Variants in TXLNG observed in about 807,000 individuals in gnomAD.
TXLNG encodes the protein gamma-taxilin.
A neutral mutation model predicts 38.8 loss-of-function variants in TXLNG; 5 were observed. The observed-to-expected ratio is 0.13, with a 90% CI of 0.07 to 0.27. TXLNG has a LOEUF of 0.27. Ranked by LOEUF, TXLNG falls within the 10% of genes least tolerant of loss-of-function variation. TXLNG has a pLI of 1.00. For missense variants in TXLNG, 393 were observed against 398.2 expected, an observed-to-expected ratio of 0.99 and a Z score of 0.11; for synonymous variants, 182 against 158.2, an observed-to-expected ratio of 1.15 and a Z score of -1.13.
At chrX:16,815,295 C>A (rs1003692359) in intron 1 of TXLNG, among the ~76,000 whole-genome samples, 2 of 110,225 alleles carry the variant, frequency 1.8e-5, no homozygotes, top group Non-Finnish European at 1.9e-5. Context: ...CCTGCCTCAG[C>A]CTCCCGAGTA....
intron 1 of TXLNG, among the ~76,000 whole-genome samples, chrX:16,792,258 C>T (rs775327062): frequency 8.9e-6 from 1 of 111,801 alleles, no homozygotes; most frequent in African/African-American, 3.2e-5. Flanking sequence ...ATAGAGCCCA[C>T]AGTTGGTGAC....
intron 5 of TXLNG, among the ~76,000 whole-genome samples, chrX:16,832,032 TACCTA>T (rs1356714955): frequency 8.9e-6 from 1 of 112,340 alleles, no homozygotes; most frequent in Non-Finnish European, 1.9e-5. Flanking sequence ...CCAAGCACCT[TACCTA>T]GTGCCACCAT....
rs189785932 is a variant in TXLNG, at chrX:16,842,079, G to A, written c.*313G>A. 8.3e-5 allele frequency: 17 copies of A among 203,806 alleles called. 1 individual carries two copies. The highest frequency in any genetic ancestry group is 3.3e-4 in the African/African-American group (11 of 33,801). 16.8% of individuals were successfully genotyped at this position (203,806 alleles called of 1,213,427 possible). ...TAATGAAAATTTCACTGACAGGGCC[G>A]ACCATTACAAGGGAACTTTGTTCTG... is the stretch of plus-strand genomic sequence containing the variant. On this transcript the variant is annotated 3_prime_UTR_variant, in exon 10 of 10. Coordinates refer to ENST00000380122, the MANE Select transcript of TXLNG (RefSeq NM_018360.3).
chrX:16,800,712 G>C, intron 1 of TXLNG, among the ~76,000 whole-genome samples: 1 of 110,735 alleles, frequency 9.0e-6, no homozygotes, highest in East Asian at 2.8e-4. Context: ...TTACAGGCGT[G>C]TGCTAACACA....
intron 1 of TXLNG, among the ~76,000 whole-genome samples, chrX:16,811,771 G>A (rs1191524275): frequency 9.9e-6 from 1 of 100,588 alleles, no homozygotes; most frequent in African/African-American, 3.7e-5. Context: ...CAAGTAACTG[G>A]GACTCTACAG....
intron 5 of TXLNG, 56 bp downstream of exon 5, chrX:16,829,826 T>C: frequency 8.9e-7 from 1 of 1,119,766 alleles, no homozygotes; most frequent in Non-Finnish European, 1.2e-6. Context: ...AGTGTCACCA[T>C]TCATACCTAA....
At chrX:16,795,906 G>A (rs375402093) in intron 1 of TXLNG, among the ~76,000 whole-genome samples, 6 of 107,017 alleles carry the variant, frequency 5.6e-5, no homozygotes, top group African/African-American at 1.4e-4. Flanking sequence ...TCTGCCTCCC[G>A]GGTTCAAACA....
In TXLNG at chrX:16,829,629, T is replaced by C. The variant is rs1388485781; in HGVS notation, c.723T>C (p.Thr241=). The change falls in exon 5 of 10, where the codon ACT becomes ACC. Residue 241 remains threonine, a synonymous_variant. Coordinates refer to ENST00000380122, the MANE Select transcript of TXLNG (RefSeq NM_018360.3). ...AAGAAGAACGACGTAAAGAAGCAAC[T>C]GCACATTTCCAGATTACCTTAAATG... ...REEEERRKEA[T]AHFQITLNEI... is the part of the protein sequence containing the mutation. 1.7e-6 allele frequency: 2 copies of C among 1,211,828 alleles called. No homozygotes were observed. The highest frequency in any genetic ancestry group is 2.2e-6 in the Non-Finnish European group (2 of 895,563).
intron 1 of TXLNG, among the ~76,000 whole-genome samples, chrX:16,794,596 A>G (rs1246877557): frequency 8.9e-6 from 1 of 111,964 alleles, no homozygotes; most frequent in Non-Finnish European, 1.9e-5. Flanking sequence ...TGGTCTGGGG[A>G]AGTAAGACAA....
At chrX:16,810,970 G>A (rs552987130) in intron 1 of TXLNG, among the ~76,000 whole-genome samples, 3 of 112,102 alleles carry the variant, frequency 2.7e-5, no homozygotes, top group South Asian at 3.7e-4. Context: ...ATGAGCTACC[G>A]TGCCTGGCCA....
intron 7 of TXLNG, among the ~76,000 whole-genome samples, chrX:16,836,788 T>C (rs1258459013): frequency 3.6e-5 from 4 of 112,287 alleles, no homozygotes; most frequent in Admixed American, 1.9e-4. Flanking sequence ...CAAAATACTT[T>C]ATTCCTCTGG....
At chrX:16,815,430 C>T (rs2147478252) in intron 1 of TXLNG, among the ~76,000 whole-genome samples, 1 of 112,196 alleles carries the variant, frequency 8.9e-6, no homozygotes, top group South Asian at 3.7e-4. Context: ...CTGCCTCAGC[C>T]TCCCAAAGTG....
intron 1 of TXLNG, among the ~76,000 whole-genome samples, chrX:16,814,156 GATAA>G (rs1308938037): frequency 8.9e-6 from 1 of 112,233 alleles, no homozygotes; most frequent in Non-Finnish European, 1.9e-5. Context: ...CTGATGAATG[GATAA>G]ATACAGTGTA....
chrX:16,818,513 A>G, intron 1 of TXLNG, 61 bp from the exon 2 acceptor site: 1 of 1,120,059 alleles, frequency 8.9e-7, no homozygotes, highest in Non-Finnish European at 1.2e-6. Context: ...TTGCTTGTAA[A>G]CATTGATTAC....
At chrX:16,838,432 C>T (rs1317152894) in intron 8 of TXLNG, among the ~76,000 whole-genome samples, 2 of 111,759 alleles carry the variant, frequency 1.8e-5, no homozygotes, top group Admixed American at 9.5e-5. Context: ...TGGTGGAGAC[C>T]GTGCGCCCTG....
rs762597618 is a variant in TXLNG, at chrX:16,841,536, G to A, written c.1357G>A (p.Glu453Lys). 2.5e-6 allele frequency: 3 copies of A among 1,211,917 alleles called. No individual in the cohort carries two copies. The change falls in exon 10 of 10, where the codon GAA (glutamate) becomes AAA (lysine). Residue 453 changes from glutamate (E) to lysine (K), a missense_variant. Transcript: ENST00000380122. ...TERNELNEKVEVLKEQVSIKA... is the reference protein window; with the variant it reads ...TERNELNEKVKVLKEQVSIKA... Reference sequence around the variant, plus strand: ...AAGGAATGAGCTCAATGAGAAGGTGGAAGTCCTGAAAGAGCAGGTATCCAT... The same window carrying A: ...AAGGAATGAGCTCAATGAGAAGGTGAAAGTCCTGAAAGAGCAGGTATCCAT...
At chrX:16,815,462 A>G (rs1484574580) in intron 1 of TXLNG, among the ~76,000 whole-genome samples, 1 of 111,502 alleles carries the variant, frequency 9.0e-6, no homozygotes, top group Non-Finnish European at 1.9e-5. Flanking sequence ...GGCGTGAGCC[A>G]CCGCGACCGG....
At chrX:16,824,694 G>A (rs1352259563) in intron 3 of TXLNG, among the ~76,000 whole-genome samples, 2 of 109,293 alleles carry the variant, frequency 1.8e-5, no homozygotes, top group African/African-American at 6.7e-5. Flanking sequence ...TGAGGCAGGC[G>A]GATCACGAGG....
intron 1 of TXLNG, among the ~76,000 whole-genome samples, chrX:16,798,537 C>A (rs1180116915): frequency 9.1e-6 from 1 of 110,487 alleles, no homozygotes; most frequent in East Asian, 2.8e-4. Flanking sequence ...CAGCTGCACT[C>A]GTGCTTTTTT....
Sources: gnomAD v4.1 joint callset for allele counts (sites outside exome capture counted in the v4.1 genomes callset) on GRCh38, gnomAD v4.1.1 for gene constraint, MANE v1.5 for transcripts, NCBI Gene and HGNC (gene_info 2026-07-23, HGNC 2026-07-21) for gene names.